The following XKR7 variants were observed in gnomAD, a reference collection of about 807,000 sequenced individuals.
XKR7 encodes the protein XK related 7, also known as XK-related protein 7.
Under a neutral mutation model 42.2 loss-of-function variants are expected in XKR7, and 11 were observed. The ratio of observed to expected loss-of-function variants is 0.26; its 90% CI spans 0.16 to 0.43. The LOEUF (loss-of-function observed/expected upper bound fraction) is 0.43. XKR7 is among the 20% of genes least tolerant of loss of function. XKR7 has a pLI of 1.00. For missense variants in XKR7, 710 were observed against 802.2 expected (o/e 0.89, Z 1.39); for synonymous variants, 346 against 366.4 (o/e 0.94, Z 0.64).
In XKR7 at chr20:31,996,800, C is replaced by T; in HGVS notation, c.1083C>T (p.Asn361=). 1 of 1,614,004 alleles carries T rather than the reference C, an allele frequency of 6.2e-7. No individual in the cohort carries two copies. The highest frequency in any genetic ancestry group is 8.5e-7 in the Non-Finnish European group (1 of 1,180,010). Residue 361 remains asparagine, a synonymous_variant, in exon 3 of 3, where the codon AAC becomes AAT. Coordinates refer to ENST00000562532, the MANE Select transcript of XKR7 (RefSeq NM_001011718.2). ...CMSKWEEIIY[N]MVVGIIYIFC... ...CCAAGTGGGAGGAGATCATCTACAA[C>T]ATGGTCGTGGGCATCATCTACATCT...
Position 31,997,460 on chromosome 20 carries a change from T to C in XKR7, c.*3T>C. ...TGGAGTATGAGACCACAGTGTAGGC[T>C]ACAGTGTCCCAGCACAAAAGGGACA... On this transcript the variant is annotated 3_prime_UTR_variant, in exon 3 of 3. Coordinates refer to ENST00000562532, the MANE Select transcript of XKR7 (RefSeq NM_001011718.2). 1 of 1,586,708 alleles carries C rather than the reference T, an allele frequency of 6.3e-7. No individual in the cohort carries two copies. The highest frequency in any genetic ancestry group is 8.5e-7 in the Non-Finnish European group (1 of 1,172,314).
rs753079986 is a variant in XKR7 at position 31,996,822 on chromosome 20, A to G, written c.1105A>G (p.Ile369Val). 2.3e-5 allele frequency: 37 copies of G among 1,613,688 alleles called. No homozygotes were observed. In the South Asian group the frequency reaches 4.0e-4, roughly 17 times the overall value. ...CAACATGGTCGTGGGCATCATCTAC[A>G]TCTTCTGCTGGTTCAACGTCAAGGA... Reference protein sequence around the residue: ...IYNMVVGIIYIFCWFNVKEGR... With the variant: ...IYNMVVGIIYVFCWFNVKEGR... The change falls in exon 3 of 3, where the codon ATC (isoleucine) becomes GTC (valine). Residue 369 changes from isoleucine to valine, a missense_variant. Coordinates refer to ENST00000562532, the MANE Select transcript of XKR7 (RefSeq NM_001011718.2).
rs2064632485 is a variant in XKR7, at chr20:32,003,050, C to T, written c.*5593C>T. The T allele has an allele frequency of 6.6e-6, 1 of 152,224 alleles. No homozygotes were observed. The highest frequency in any genetic ancestry group is 2.4e-5 in the African/African-American group (1 of 41,446). 9.4% of individuals were successfully genotyped at this position (152,224 alleles called of 1,614,324 possible). On this transcript the variant is annotated 3_prime_UTR_variant, in exon 3 of 3. Coordinates refer to ENST00000562532, the MANE Select transcript of XKR7 (RefSeq NM_001011718.2). The stretch of plus-strand genomic sequence containing the variant: ...TCCTCCCCTCCATGCCCCTGGAACT[C>T]TAGGAATCACTAGCCATGCCTGAGG...
chr20:31,991,544 T>C (rs926709770), intron 1 of XKR7, among the ~76,000 whole-genome samples: 8 of 152,130 alleles, frequency 5.3e-5, no homozygotes, highest in Admixed American at 3.3e-4. Flanking sequence ...ACAGCAAGCT[T>C]TCTAAGCCAC....
chr20:31,990,179 C>CGTGTGTGTGTGTGTGTGTGT (rs56235886), intron 1 of XKR7, among the ~76,000 whole-genome samples: 1 of 144,148 alleles, frequency 6.9e-6, no homozygotes, highest in African/African-American at 2.6e-5. Flanking sequence ...AAATTCATTG[C>CGTGTGTGTGTGTGTGTGTGT]GTGTGTGTGT....
intron 1 of XKR7, among the ~76,000 whole-genome samples, chr20:31,994,264 T>C (rs2064581538): frequency 6.6e-6 from 1 of 152,136 alleles, no homozygotes; most frequent in South Asian, 2.1e-4. Flanking sequence ...AGCAAAACTT[T>C]TTATGGTTTA....
rs1303010032 is a variant in XKR7, at chr20:31,996,584, C to T, written c.867C>T (p.Asp289=). 6.5e-7 allele frequency: 1 copy of T among 1,543,342 alleles called. No individual in the cohort carries two copies. The highest frequency in any genetic ancestry group is 2.3e-5 in the East Asian group (1 of 44,312). Residue 289 remains aspartate (D), a synonymous_variant, in exon 3 of 3, where the codon GAC becomes GAT. Transcript: ENST00000562532. ...AGAAGGTGCTGCGGGACTCGCGGGA[C>T]GACAAGCGGCCGCTGTCCTACAAGG... ...SYQKVLRDSR[D]DKRPLSYKGA... is the part of the protein sequence containing the mutation.
rs1241994264 is a variant in XKR7 at position 31,996,866 on chromosome 20, C to T, written c.1149C>T (p.Arg383=). ...TCAAGGAGGGCCGCAGCCGCCGCCG[C>T]ATGACCCTCTACCACTGCATCGTCC... ...FNVKEGRSRR[R]MTLYHCIVLL... is the part of the protein sequence containing the mutation. Residue 383 remains arginine (R), a synonymous_variant, in exon 3 of 3, where the codon CGC becomes CGT. Transcript: ENST00000562532. 3.1e-6 allele frequency: 5 copies of T among 1,613,764 alleles called. No individual in the cohort carries two copies. The highest frequency in any genetic ancestry group is 3.3e-5 in the Admixed American group (2 of 60,010).
At position 31,999,507 on chromosome 20, in the gene XKR7, G is replaced by C. The variant is rs1187820380; in HGVS notation, c.*2050G>C. ...CCCTCAGGAACGAGGCCTCGAGGGT[G>C]ACGGGAGGTGGGAGAAGCCCAAGGC... On this transcript the variant is annotated 3_prime_UTR_variant, in exon 3 of 3. Coordinates refer to ENST00000562532, the MANE Select transcript of XKR7 (RefSeq NM_001011718.2). The C allele has an allele frequency of 6.6e-6, 1 of 152,186 alleles. No homozygotes were observed. The highest frequency in any genetic ancestry group is 2.4e-5 in the African/African-American group (1 of 41,428). 9.4% of individuals were successfully genotyped at this position (152,186 alleles called of 1,614,324 possible). A position where few individuals can be genotyped will look rare whatever the true frequency, so the allele number is the denominator to read the frequency against.
chr20:31,975,365 A>T (rs2064480500), intron 1 of XKR7, among the ~76,000 whole-genome samples: 1 of 151,750 alleles, frequency 6.6e-6, no homozygotes, highest in African/African-American at 2.4e-5. Context: ...CTCTACCCAC[A>T]TGACAACCTG....
chr20:31,975,531 A>C (rs1190686642), intron 1 of XKR7, among the ~76,000 whole-genome samples: 6 of 152,066 alleles, frequency 3.9e-5, no homozygotes, highest in Non-Finnish European at 8.8e-5. Flanking sequence ...AATCCCACAC[A>C]TGCTACCCTC....
At chr20:31,971,347 T>C (rs2064464780) in intron 1 of XKR7, among the ~76,000 whole-genome samples, 1 of 152,222 alleles carries the variant, frequency 6.6e-6, no homozygotes, top group Non-Finnish European at 1.5e-5. Flanking sequence ...TGAGATTCAA[T>C]GTGATGACCT....
Position 31,997,649 on chromosome 20 carries a change from T to C in XKR7, c.*192T>C. On this transcript the variant is annotated 3_prime_UTR_variant, in exon 3 of 3. Transcript: ENST00000562532. ...GAGGCCCCAGCCCTGGGCCCCGTTT[T>C]CAGCCTTGTGGCCCATTCCCTAAAT... 1 of 596,122 alleles carries C rather than the reference T, an allele frequency of 1.7e-6. No individual in the cohort carries two copies. Among genetic ancestry groups the C allele is most frequent in the East Asian group, 2.8e-5 (1 of 35,168 alleles). The allele number at this position is 596,122 out of a possible 1,614,324, so 36.9% of individuals were successfully genotyped here. A position where few individuals can be genotyped will look rare whatever the true frequency, so the allele number is the denominator to read the frequency against.
chr20:31,979,569 T>C (rs1013876835), intron 1 of XKR7, among the ~76,000 whole-genome samples: 15 of 152,216 alleles, frequency 9.9e-5, no homozygotes, highest in Non-Finnish European at 1.9e-4. Flanking sequence ...GGTGGCTGCC[T>C]CTGTAGACAG....
Position 31,968,234 on chromosome 20 carries a change from C to A in XKR7, c.59C>A (p.Ala20Asp), listed in dbSNP as rs1299093573. 59 of 1,145,794 alleles carry A rather than the reference C, an allele frequency of 5.1e-5. No homozygotes were observed. Among genetic ancestry groups the A allele is most frequent in the Non-Finnish European group, 5.9e-5 (55 of 932,954 alleles). The allele number at this position is 1,145,794 out of a possible 1,614,324, so 71.0% of individuals were successfully genotyped here. A position where few individuals can be genotyped will look rare whatever the true frequency, so the allele number is the denominator to read the frequency against. ...ASASPDPEGAAGGARGSAGGR... is the reference protein window; with the variant it reads ...ASASPDPEGADGGARGSAGGR... Reference sequence around the variant, plus strand: ...GCCAGCCCGGACCCGGAGGGGGCTGCCGGTGGAGCCCGGGGCAGTGCCGGC... The same window carrying A: ...GCCAGCCCGGACCCGGAGGGGGCTGACGGTGGAGCCCGGGGCAGTGCCGGC... Residue 20 changes from alanine (A) to aspartate (D), a missense_variant, in exon 1 of 3, where the codon GCC becomes GAC. Around this residue, in one of 2 missense-constraint regions of XKR7, gnomAD observed 708 missense variants for 786.2 expected, o/e 0.90. Coordinates refer to ENST00000562532, the MANE Select transcript of XKR7 (RefSeq NM_001011718.2). The surrounding 1 kb of genome is among the most constrained non-coding windows in gnomAD (Gnocchi z 4.5).
chr20:31,968,617 T>C lies in XKR7; in HGVS notation c.442T>C (p.Phe148Leu). Reference sequence around the variant, plus strand: ...CAGCACCAAGGACAGCGCCGGCGCCTTCCGGACCAAAGAAGGCAGCCCCGA... The same window carrying C: ...CAGCACCAAGGACAGCGCCGGCGCCCTCCGGACCAAAGAAGGCAGCCCCGA... ...AISTKDSAGA[F>L]RTKEGSPEPG... Residue 148 changes from phenylalanine to leucine, a missense_variant, in exon 1 of 3, where the codon TTC (phenylalanine) becomes CTC (leucine). By Grantham distance (22) the Phe-to-Leu change is conservative. This residue lies in a region of XKR7 where 708 missense variants were observed against 786.2 expected (regional missense o/e 0.90). Coordinates refer to ENST00000562532, the MANE Select transcript of XKR7 (RefSeq NM_001011718.2). This position sits in a 1 kb window ranked among gnomAD's most constrained non-coding sequence, Gnocchi z 4.5. 1 of 1,602,712 alleles carries C rather than the reference T, an allele frequency of 6.2e-7. No homozygotes were observed. Among genetic ancestry groups the C allele is most frequent in the South Asian group, 1.1e-5 (1 of 90,796 alleles).
At position 31,996,605 on chromosome 20, in the gene XKR7, C is replaced by T. The variant is rs770784222; in HGVS notation, c.888C>T (p.Tyr296=). The change falls in exon 3 of 3, where the codon TAC becomes TAT. Residue 296 remains tyrosine, a synonymous_variant. Coordinates refer to ENST00000562532, the MANE Select transcript of XKR7 (RefSeq NM_001011718.2). The stretch of plus-strand genomic sequence containing the variant: ...GGGACGACAAGCGGCCGCTGTCCTA[C>T]AAGGGCGCCGTGGCACAGGTGCTGT... The part of the protein sequence containing the change: ...DSRDDKRPLS[Y]KGAVAQVLWH... 6.4e-7 allele frequency: 1 copy of T among 1,569,084 alleles called. No individual in the cohort carries two copies. The highest frequency in any genetic ancestry group is 2.3e-5 in the East Asian group (1 of 44,414).
intron 2 of XKR7, among the ~76,000 whole-genome samples, chr20:31,996,233 A>G (rs1203490199): frequency 6.7e-6 from 1 of 148,216 alleles, no homozygotes; most frequent in Non-Finnish European, 1.5e-5. Context: ...CCCACACCAG[A>G]GTCCTAGATG....
intron 1 of XKR7, among the ~76,000 whole-genome samples, chr20:31,982,999 G>A (rs577119061): frequency 4.7e-4 from 71 of 152,332 alleles, no homozygotes; most frequent in African/African-American, 1.7e-3. Flanking sequence ...CCAGAGACGG[G>A]AGGCAACTTG....
Sources: allele counts gnomAD v4.1 joint callset (sites outside exome capture counted in the v4.1 genomes callset), GRCh38; gene constraint gnomAD v4.1.1; regional missense constraint gnomAD v4.1.1; non-coding constraint Gnocchi (gnomAD v3.1); transcripts MANE v1.5; gene names NCBI Gene and HGNC (gene_info 2026-07-23, HGNC 2026-07-21).